MYO19: variants seen among roughly 807,000 people sequenced by gnomAD.
MYO19 encodes unconventional myosin-XIX.
A neutral mutation model predicts 129.2 loss-of-function variants in MYO19; 132 were observed. The observed-to-expected ratio is 1.02, with a 90% CI of 0.89 to 1.18. MYO19 has a LOEUF of 1.18. Ranked by LOEUF, MYO19 falls within the 50% of genes most tolerant of loss-of-function variation. The probability of loss-of-function intolerance (pLI) is 0.00; values close to 1 mark genes in which losing one functional copy is unlikely to be tolerated. For missense variants in MYO19, 1,210 were observed against 1,216.7 expected (o/e 0.99, Z 0.08); for synonymous variants, 531 against 477.2 (o/e 1.11, Z -1.47).
At chr17:36,498,206 T>A in intron 25 of MYO19, 60 bp downstream of exon 25, 1 of 1,550,798 alleles carries the variant, frequency 6.4e-7, no homozygotes, top group Non-Finnish European at 8.7e-7. Flanking sequence ...TGTGAACTTG[T>A]AGGCTTTGCT....
upstream of MYO19, among the ~76,000 whole-genome samples, chr17:36,536,240 G>A (rs1467141233): frequency 2.0e-5 from 3 of 152,142 alleles, no homozygotes; most frequent in Admixed American, 2.0e-4. Flanking sequence ...AATGAGGAAA[G>A]GAGCAGCCTG....
chr17:36,507,770 A>T (rs763166992), intron 15 of MYO19, 33 bp downstream of exon 15: 1 of 1,560,682 alleles, frequency 6.4e-7, no homozygotes, highest in East Asian at 2.3e-5. Context: ...GATCCAAAAG[A>T]AGGACCTGCC....
chr17:36,516,132 G>A, intron 6 of MYO19, 142 bp from the exon 7 acceptor site: 1 of 982,054 alleles, frequency 1.0e-6, no homozygotes, highest in Non-Finnish European at 1.4e-6. Flanking sequence ...TTCAACCCTG[G>A]CCTCAGGCAA....
Position 36,507,012 on chromosome 17 carries a change from T to A in MYO19, c.1595A>T (p.Tyr532Phe). 6.2e-7 allele frequency: 1 copy of A among 1,613,262 alleles called. No homozygotes were observed. Among genetic ancestry groups the A allele is most frequent in the Non-Finnish European group, 8.5e-7 (1 of 1,179,378 alleles). The change falls in exon 17 of 26, where the codon TAT becomes TTT. Residue 532 changes from tyrosine to phenylalanine, a missense_variant. By Grantham distance (22) the Tyr-to-Phe change is conservative. Coordinates refer to ENST00000614623, the MANE Select transcript of MYO19 (RefSeq NM_001163735.2). Reference sequence around the variant, plus strand: ...TGTGTGGTACCGCACAGGCCCCGCATAATGCACCACAATGAAGCTGGGCTC... The same window carrying A: ...TGTGTGGTACCGCACAGGCCCCGCAAAATGCACCACAATGAAGCTGGGCTC... ...SREPSFIVVH[Y>F]AGPVRYHTAG...
chr17:36,516,019 G>A (rs377214002), intron 6 of MYO19, 29 bp from the exon 7 acceptor site: 244 of 1,590,838 alleles, frequency 1.5e-4, no homozygotes, highest in Non-Finnish European at 2.0e-4. Flanking sequence ...TGTGGGAGCT[G>A]TATCTATGCT....
intron 11 of MYO19, chr17:36,512,640 C>A: frequency 7.8e-7 from 1 of 1,288,666 alleles, no homozygotes; most frequent in Non-Finnish European, 1.0e-6. Flanking sequence ...AGGTACTGTC[C>A]TTCTGTCAAG....
At chr17:36,522,638 C>T (rs566107827) in intron 6 of MYO19, among the ~76,000 whole-genome samples, 14 of 151,922 alleles carry the variant, frequency 9.2e-5, no homozygotes, top group Middle Eastern at 3.4e-3. Flanking sequence ...GGGAGGCCAA[C>T]GCGGGAAGAT....
chr17:36,512,715 T>C (rs1305903393), intron 11 of MYO19: 11 of 1,289,148 alleles, frequency 8.5e-6, no homozygotes, highest in Admixed American at 2.3e-5. Context: ...ACTGCATTGC[T>C]ACCTCCCTGA....
At chr17:36,532,305 C>CATCCCACCTTACCT (rs2073878339) in intron 3 of MYO19, among the ~76,000 whole-genome samples, 1 of 152,174 alleles carries the variant, frequency 6.6e-6, no homozygotes, top group South Asian at 2.1e-4. Context: ...TTCCCTTACC[C>CATCCCACCTTACCT]ATCCCACCTT....
At chr17:36,496,496 G>C in intron 25 of MYO19, 90 bp from the exon 26 acceptor site, 1 of 1,259,934 alleles carries the variant, frequency 7.9e-7, no homozygotes, top group Non-Finnish European at 1.1e-6. Flanking sequence ...AAAAATGCAA[G>C]AAGGTATGGA....
chr17:36,498,319 C>G lies in MYO19; in HGVS notation c.2704G>C (p.Val902Leu). Residue 902 changes from valine (V) to leucine (L), a missense_variant, in exon 25 of 26, where the codon GTC becomes CTC. Physicochemically the swap from Val to Leu is conservative, Grantham distance 32 (BLOSUM62 1). Transcript: ENST00000614623. ...CCAGCCTGGTCTTGTGCTGTCTGGA[C>G]AGTGTAGCTACTGGGGCTGCCCCTG... ...LPRGSPSSYTVQTAQDQAGVT... is the reference protein window; with the variant it reads ...LPRGSPSSYTLQTAQDQAGVT... 1 of 1,614,000 alleles carries G rather than the reference C, an allele frequency of 6.2e-7. No homozygotes were observed. The highest frequency in any genetic ancestry group is 8.5e-7 in the Non-Finnish European group (1 of 1,179,906).
chr17:36,530,887 T>C (rs913722624), intron 3 of MYO19, among the ~76,000 whole-genome samples: 2 of 152,040 alleles, frequency 1.3e-5, no homozygotes, highest in East Asian at 1.9e-4. Context: ...TCCCAAAGTA[T>C]TGGGATTACA....
intron 6 of MYO19, among the ~76,000 whole-genome samples, chr17:36,518,593 T>C (rs573649419): frequency 7.2e-6 from 1 of 138,958 alleles, no homozygotes; most frequent in African/African-American, 2.7e-5. Flanking sequence ...AAAGTATGTA[T>C]ATATATATAA....
intron 6 of MYO19, among the ~76,000 whole-genome samples, chr17:36,522,214 A>G (rs923488555): frequency 6.6e-6 from 1 of 151,894 alleles, no homozygotes; most frequent in Non-Finnish European, 1.5e-5. Context: ...GGAAACCACT[A>G]AAGAATATGG....
At chr17:36,518,809 GATTT>G (rs2072968641) in intron 6 of MYO19, among the ~76,000 whole-genome samples, 1 of 151,590 alleles carries the variant, frequency 6.6e-6, no homozygotes, top group Non-Finnish European at 1.5e-5. Context: ...CAGATAGATA[GATTT>G]TTTTTCTTTA....
chr17:36,512,913 G>A, intron 11 of MYO19: 1 of 950,976 alleles, frequency 1.1e-6, no homozygotes, highest in Non-Finnish European at 1.4e-6. Context: ...CGGGGCACGG[G>A]TTGGGGGAAG....
intron 20 of MYO19, among the ~76,000 whole-genome samples, chr17:36,503,538 G>A (rs1484463156): frequency 2.0e-5 from 3 of 152,178 alleles, no homozygotes; most frequent in African/African-American, 4.8e-5. Flanking sequence ...GTCCTATGAC[G>A]CAGACATGCT....
intron 6 of MYO19, among the ~76,000 whole-genome samples, chr17:36,524,886 C>T (rs1392743340): frequency 1.3e-5 from 2 of 152,220 alleles, no homozygotes; most frequent in African/African-American, 2.4e-5. Flanking sequence ...CTGATGTGTT[C>T]TTAACCACTA....
chr17:36,515,535 T>A (rs2072684303), intron 7 of MYO19, among the ~76,000 whole-genome samples: 3 of 152,116 alleles, frequency 2.0e-5, no homozygotes, highest in South Asian at 2.1e-4. Flanking sequence ...TCACCTTGTA[T>A]CCCTTAACAA....
Sources: gnomAD v4.1 joint callset for allele counts (sites outside exome capture counted in the v4.1 genomes callset) on GRCh38, gnomAD v4.1.1 for gene constraint, MANE v1.5 for transcripts, NCBI Gene and HGNC (gene_info 2026-07-23, HGNC 2026-07-21) for gene names.